Variants in GAS2L2 observed in about 807,000 individuals in gnomAD.
The protein encoded by GAS2L2 is growth arrest specific 2 like 2.
Under a neutral mutation model 35.2 loss-of-function variants are expected in GAS2L2, and 21 were observed. That is an observed-to-expected ratio of 0.60 (90% CI 0.42 to 0.86). The LOEUF is 0.86. Ranked by LOEUF, GAS2L2 falls within the 40% of genes least tolerant of loss-of-function variation. The pLI, the probability that GAS2L2 is intolerant of heterozygous loss-of-function variation, is 0.00. For missense variants in GAS2L2, 1,169 were observed against 1,144.4 expected (o/e 1.02, Z -0.31); for synonymous variants, 490 against 473.2 (o/e 1.04, Z -0.46).
At chr17:35,750,359 GC>G in intron 1 of GAS2L2, 41 bp from the exon 2 acceptor site, 5 of 1,613,364 alleles carry the variant, frequency 3.1e-6, no homozygotes, top group Non-Finnish European at 4.2e-6. Context: ...GGCAGCGTGA[GC>G]CCCCAGAGGA....
chr17:35,747,392 G>A, intron 4 of GAS2L2, 124 bp from the exon 5 acceptor site: 1 of 1,127,734 alleles, frequency 8.9e-7, no homozygotes, highest in South Asian at 1.6e-5. Flanking sequence ...GGGACCTACA[G>A]TGGCAACACC....
intron 1 of GAS2L2, 106 bp from the exon 2 acceptor site, chr17:35,750,424 G>A: frequency 4.1e-6 from 6 of 1,450,450 alleles, no homozygotes; most frequent in Non-Finnish European, 4.8e-6. Flanking sequence ...GGTCATCCCC[G>A]GTCTGGGGCA....
intron 1 of GAS2L2, among the ~76,000 whole-genome samples, chr17:35,750,795 C>G (rs587619298): frequency 1.3e-5 from 2 of 152,288 alleles, no homozygotes; most frequent in South Asian, 4.1e-4. Context: ...AGGACATGCT[C>G]TGGAGCCAAC....
At position 35,745,311 on chromosome 17, in the gene GAS2L2, G is replaced by C; in HGVS notation, c.2186C>G (p.Ala729Gly). The change falls in exon 6 of 6, where the codon GCT becomes GGT. Residue 729 changes from alanine to glycine, a missense_variant. By Grantham distance (60) the Ala-to-Gly change is moderately conservative. Transcript: ENST00000604641. ...VPPQGGQDCSASTVSASPEAP... is the reference protein window; with the variant it reads ...VPPQGGQDCSGSTVSASPEAP... Reference sequence around the variant, plus strand: ...CTCCGGGCTGGCAGACACAGTAGAAGCCGAGCAGTCCTGCCCTCCCTGAGG... The same window carrying C: ...CTCCGGGCTGGCAGACACAGTAGAACCCGAGCAGTCCTGCCCTCCCTGAGG... 6.2e-7 allele frequency: 1 copy of C among 1,612,222 alleles called. No individual in the cohort carries two copies. Among genetic ancestry groups the C allele is most frequent in the Non-Finnish European group, 8.5e-7 (1 of 1,178,970 alleles).
rs782428852 is a variant in GAS2L2 at position 35,747,127 on chromosome 17, G to A, written c.974C>T (p.Thr325Ile). ...CAGCCTTCGGTCTGAAGAGGTATAT[G>A]TCTTCCAGTCCACAGGGGGTGGTGG... Reference protein sequence around the residue: ...QSPPPPVDWKTYTSSDRRLRP... With the variant: ...QSPPPPVDWKIYTSSDRRLRP... The change falls in exon 5 of 6, where the codon ACA becomes ATA. Residue 325 changes from threonine to isoleucine, a missense_variant. This residue lies in a region of GAS2L2 where 1,035 missense variants were observed against 976.5 expected (regional missense o/e 1.06). Transcript: ENST00000604641. 1.9e-6 allele frequency: 3 copies of A among 1,613,750 alleles called. No homozygotes were observed. The highest frequency in any genetic ancestry group is 1.7e-5 in the Admixed American group (1 of 59,998).
In GAS2L2 at chr17:35,744,615, G is replaced by C; in HGVS notation, c.*239C>G. On this transcript the variant is annotated 3_prime_UTR_variant, in exon 6 of 6. Transcript: ENST00000604641. ...GAGTGTGGTGAGCCGTTCTAGGGGA[G>C]AGTAATGAGATACAGGATGGTCCTA... 1.9e-6 allele frequency: 1 copy of C among 536,850 alleles called. No homozygotes were observed. The highest frequency in any genetic ancestry group is 3.3e-6 in the Non-Finnish European group (1 of 301,332). The allele number at this position is 536,850 out of a possible 1,614,324, so 33.3% of individuals were successfully genotyped here.
At position 35,749,107 on chromosome 17, in the gene GAS2L2, T is replaced by C; in HGVS notation, c.735+3A>G. ...GGTCCCTTGACCCCCAGCCTGGACT[T>C]ACCCGGATGAAGATGAGGGTGTTGG... On this transcript the variant is annotated splice_donor_region_variant and intron_variant, in intron 3 of 5. Transcript: ENST00000604641. The C allele has an allele frequency of 1.2e-6, 2 of 1,606,236 alleles. No homozygotes were observed. The highest frequency in any genetic ancestry group is 1.7e-6 in the Non-Finnish European group (2 of 1,172,970).
intron 1 of GAS2L2, among the ~76,000 whole-genome samples, chr17:35,751,438 C>T (rs1017754813): frequency 2.0e-5 from 3 of 152,082 alleles, no homozygotes; most frequent in African/African-American, 4.8e-5. Context: ...GAGGCTAAGG[C>T]GGGCGGATCA....
Position 35,747,237 on chromosome 17 carries a change from C to T in GAS2L2, c.864G>A (p.Pro288=), listed in dbSNP as rs781809273. The T allele has an allele frequency of 5.8e-5, 93 of 1,612,440 alleles. 1 individual carries two copies. The highest frequency in any genetic ancestry group is 6.6e-5 in the South Asian group (6 of 90,950). The change falls in exon 5 of 6, where the codon CCG becomes CCA. Residue 288 remains proline, a synonymous_variant. Transcript: ENST00000604641. ...TTACTTCATGCTGCACTGGTGGGGC[C>T]GGGGGCTTCAGGAAGCTGCCTGGCT... ...SHKPGSFLKP[P]APPVQHEVRV...
chr17:35,748,618 AC>A (rs1168560397), intron 3 of GAS2L2, among the ~76,000 whole-genome samples: 1 of 152,030 alleles, frequency 6.6e-6, no homozygotes, highest in Non-Finnish European at 1.5e-5. Context: ...TGCTGAATGT[AC>A]CCCCAGGCAA....
In GAS2L2 at chr17:35,746,102, G is replaced by A. The variant is rs782336958; in HGVS notation, c.1395C>T (p.Ala465=). The change falls in exon 6 of 6, where the codon GCC becomes GCT. Residue 465 remains alanine, a synonymous_variant. Transcript: ENST00000604641. ...GTGGCAGCCTGAGGCCCAGGCACTC[G>A]GCTGGGCCAAAGGAACGAGGCAGGG... The part of the protein sequence containing the change: ...PSPLPRSFGP[A]ECLGLRLPLR... The A allele has an allele frequency of 1.6e-5, 24 of 1,515,794 alleles. No homozygotes were observed. The highest frequency in any genetic ancestry group is 9.8e-5 in the African/African-American group (7 of 71,612). The allele number at this position is 1,515,794 out of a possible 1,614,324, so 93.9% of individuals were successfully genotyped here.
chr17:35,746,902 G>T, intron 5 of GAS2L2, 114 bp downstream of exon 5: 1 of 1,096,930 alleles, frequency 9.1e-7, no homozygotes, highest in Non-Finnish European at 1.3e-6. Context: ...AAAACCTGTG[G>T]TCTCGGGGTA....
At chr17:35,747,977 G>T (rs368983855) in intron 3 of GAS2L2, 32 bp from the exon 4 acceptor site, 175 of 1,544,788 alleles carry the variant, frequency 1.1e-4, no homozygotes, top group Non-Finnish European at 1.4e-4. Flanking sequence ...TAAGGGCGGG[G>T]TGGAGGGCAG....
intron 3 of GAS2L2, 50 bp downstream of exon 3, chr17:35,749,060 G>T: frequency 1.6e-6 from 2 of 1,221,318 alleles, no homozygotes; most frequent in Non-Finnish European, 1.2e-6. Flanking sequence ...TCCCAAGCCT[G>T]GGCAAGAAAC....
intron 5 of GAS2L2, among the ~76,000 whole-genome samples, chr17:35,746,736 C>A (rs1172599778): frequency 2.6e-5 from 4 of 152,170 alleles, no homozygotes; most frequent in Non-Finnish European, 4.4e-5. Context: ...GAGGGGAATG[C>A]ACAGTCTCTG....
At chr17:35,750,389 G>A in intron 1 of GAS2L2, 71 bp from the exon 2 acceptor site, 1 of 1,598,778 alleles carries the variant, frequency 6.3e-7, no homozygotes, top group Non-Finnish European at 8.5e-7. Flanking sequence ...TCCGGGGCAG[G>A]GGCTAGCGGG....
rs782104326 is a variant in GAS2L2, at chr17:35,745,952, T to C, written c.1545A>G (p.Pro515=). 6.2e-7 allele frequency: 1 copy of C among 1,608,398 alleles called. No individual in the cohort carries two copies. Among genetic ancestry groups the C allele is most frequent in the East Asian group, 2.2e-5 (1 of 44,734 alleles). The change falls in exon 6 of 6, where the codon CCA becomes CCG. Residue 515 remains proline, a synonymous_variant. Transcript: ENST00000604641. ...IRLPPARPPT[P]GRSFPGATSG... ...TTGTAGCACCAGGAAAGCTCCTTCCTGGTGTTGGGGGGCGAGCAGGGGGCA... is the reference window on the plus strand; with the variant it reads ...TTGTAGCACCAGGAAAGCTCCTTCCCGGTGTTGGGGGGCGAGCAGGGGGCA...
In GAS2L2 at chr17:35,745,467, G is replaced by C; in HGVS notation, c.2030C>G (p.Pro677Arg). 6.3e-7 allele frequency: 1 copy of C among 1,591,128 alleles called. No homozygotes were observed. Among genetic ancestry groups the C allele is most frequent in the Non-Finnish European group, 8.6e-7 (1 of 1,167,054 alleles). ...KVDLEAWKAAPTGSPKPAVTP... is the reference protein window; with the variant it reads ...KVDLEAWKAARTGSPKPAVTP... The stretch of plus-strand genomic sequence containing the variant: ...AACAGCTGGCTTAGGGGAGCCAGTC[G>C]GGGCTGCCTTCCAGGCTTCCAGGTC... The change falls in exon 6 of 6, where the codon CCG becomes CGG. Residue 677 changes from proline to arginine, a missense_variant. Transcript: ENST00000604641.
intron 1 of GAS2L2, among the ~76,000 whole-genome samples, chr17:35,750,968 TGCAAG>T (rs56321203): frequency 0.021 from 3,234 of 152,340 alleles, 71 homozygotes; most frequent in East Asian, 0.12. Context: ...GTCCGGCACA[TGCAAG>T]CATTCCTTAA....
Sources: gnomAD v4.1 joint callset for allele counts (sites outside exome capture counted in the v4.1 genomes callset) on GRCh38, gnomAD v4.1.1 for gene constraint, gnomAD v4.1.1 regional missense constraint, MANE v1.5 for transcripts, NCBI Gene and HGNC (gene_info 2026-07-23, HGNC 2026-07-21) for gene names.